Variants in ZNF17 observed in about 807,000 individuals in gnomAD.
The protein encoded by ZNF17 is zinc finger protein 17.
In ZNF17, 4 loss-of-function variants were observed where a neutral mutation model predicts 7.7. That is an observed-to-expected ratio of 0.52 (90% CI 0.26 to 1.20). ZNF17 has a LOEUF of 1.20. Among genes scored for constraint, ZNF17 ranks in the 50% most tolerant of loss-of-function variants. The pLI, the probability that ZNF17 is intolerant of heterozygous loss-of-function variation, is 0.14. For missense variants in ZNF17, 738 were observed against 799.5 expected (o/e 0.92, Z 0.93); for synonymous variants, 249 against 258.8 (o/e 0.96, Z 0.36).
In ZNF17 at chr19:57,420,355, A is replaced by G; in HGVS notation, c.869A>G (p.His290Arg). ...ECGKAFLRKS[H>R]LLQHQRIHTR... ...GGGAAAGCTTTTCTTAGAAAGTCTC[A>G]CCTACTTCAGCACCAGAGGATTCAC... is the stretch of plus-strand genomic sequence containing the variant. The change falls in exon 4 of 4, where the codon CAC (histidine) becomes CGC (arginine). Residue 290 changes from histidine to arginine, a missense_variant. His to Arg is a conservative substitution (Grantham distance 29). This residue lies in a region of ZNF17 where 616 missense variants were observed against 663.9 expected (regional missense o/e 0.93). Transcript: ENST00000307658. 6.2e-6 allele frequency: 10 copies of G among 1,613,596 alleles called. No individual in the cohort carries two copies. The highest frequency in any genetic ancestry group is 8.5e-6 in the Non-Finnish European group (10 of 1,179,902).
At chr19:57,419,387 T>C (rs2088832149) in intron 3 of ZNF17, 9 of 400,484 alleles carry the variant, frequency 2.2e-5, no homozygotes, top group Non-Finnish European at 4.5e-6. Context: ...AGGAGTAACT[T>C]GGGGACTCCA....
intron 2 of ZNF17, among the ~76,000 whole-genome samples, chr19:57,415,804 G>C (rs1273355493): frequency 1.3e-5 from 2 of 152,154 alleles, no homozygotes; most frequent in Admixed American, 6.5e-5. Context: ...TGATAGTGAG[G>C]TCTGGGAGGG....
intron 1 of ZNF17, 144 bp downstream of exon 1, chr19:57,411,550 C>A (rs1480141595): frequency 1.4e-6 from 2 of 1,436,816 alleles, no homozygotes; most frequent in African/African-American, 2.9e-5. Context: ...TGCTGTGAGG[C>A]GGGGGAGCTC....
rs2088792914 is a variant in ZNF17, at chr19:57,413,640, A to C, written c.21+4A>C. The C allele has an allele frequency of 6.5e-7, 1 of 1,535,974 alleles. No individual in the cohort carries two copies. The highest frequency in any genetic ancestry group is 1.4e-5 in the African/African-American group (1 of 73,032). ...AATGCTTATGGATGCTGGACAGGTG[A>C]GTGGAGAGTGTTTCCAGCTTTCACC... On this transcript the variant is annotated splice_donor_region_variant and intron_variant, in intron 2 of 3. Transcript: ENST00000307658.
intron 2 of ZNF17, among the ~76,000 whole-genome samples, chr19:57,415,898 AT>A (rs1306012829): frequency 6.6e-6 from 1 of 152,110 alleles, no homozygotes; most frequent in Non-Finnish European, 1.5e-5. Flanking sequence ...CTCTGAGACT[AT>A]TTTGGCAGAA....
chr19:57,413,470 C>A, intron 1 of ZNF17, 126 bp from the exon 2 acceptor site: 1 of 940,126 alleles, frequency 1.1e-6, no homozygotes, highest in Non-Finnish European at 1.6e-6. Context: ...AGACACTGAA[C>A]CCTGAGGACT....
At chr19:57,412,945 T>C (rs913550671) in intron 1 of ZNF17, among the ~76,000 whole-genome samples, 13 of 151,872 alleles carry the variant, frequency 8.6e-5, no homozygotes, top group Non-Finnish European at 1.9e-4. Flanking sequence ...TGGCGTGGTC[T>C]CGGCTCACTG....
Position 57,418,016 on chromosome 19 carries a change from C to T in ZNF17, c.126C>T (p.Asn42=), listed in dbSNP as rs1436349185. The T allele has an allele frequency of 1.2e-6, 2 of 1,613,908 alleles. No homozygotes were observed. Among genetic ancestry groups the T allele is most frequent in the Non-Finnish European group, 1.7e-6 (2 of 1,179,928 alleles). ...TGCACAGCGATGTGATGCTGGAGAA[C>T]TTTGCACTTTTGTCCTCAGTAGGTA... The part of the protein sequence containing the change: ...RHLHSDVMLE[N]FALLSSVGCW... Residue 42 remains asparagine (N), a synonymous_variant, in exon 3 of 4, where the codon AAC becomes AAT. Transcript: ENST00000307658.
At chr19:57,414,309 C>G (rs2088797527) in intron 2 of ZNF17, among the ~76,000 whole-genome samples, 1 of 150,970 alleles carries the variant, frequency 6.6e-6, no homozygotes, top group Non-Finnish European at 1.5e-5. Context: ...GCTGGGATTA[C>G]AGGCTTGAGC....
At chr19:57,413,691 A>C in intron 2 of ZNF17, 55 bp downstream of exon 2, 1 of 1,525,414 alleles carries the variant, frequency 6.6e-7, no homozygotes, top group Non-Finnish European at 8.8e-7. Context: ...CAGCATGCTG[A>C]TATAGGGAAT....
At position 57,411,994 on chromosome 19, in the gene ZNF17, G is replaced by A. The variant is rs529308325; in HGVS notation, c.-21+588G>A. On this transcript the variant is annotated intron_variant, in intron 1 of 3. Coordinates refer to ENST00000307658, the MANE Select transcript of ZNF17 (RefSeq NM_001330617.2). The stretch of plus-strand genomic sequence containing the variant: ...GAATGGAGTTGGAGAAGTCAGCTTA[G>A]GGAGCAGGTTTCAGAGAGGATTATG... 2.6e-5 allele frequency among the ~76,000 whole-genome samples: 4 copies of A among 152,310 alleles called. No individual in the cohort carries two copies. In the East Asian group the frequency reaches 7.7e-4, roughly 29 times the overall value.
At chr19:57,411,495 T>C (rs2088776198) in intron 1 of ZNF17, 89 bp downstream of exon 1, 1 of 1,542,000 alleles carries the variant, frequency 6.5e-7, no homozygotes, top group East Asian at 2.3e-5. Context: ...GGCCCCTGTG[T>C]CCCAAAGAGA....
chr19:57,414,480 A>G (rs1258563662), intron 2 of ZNF17, among the ~76,000 whole-genome samples: 1 of 151,746 alleles, frequency 6.6e-6, no homozygotes, highest in East Asian at 1.9e-4. Context: ...GATTACAGGC[A>G]TGAACCAACA....
At chr19:57,416,242 G>T (rs966156812) in intron 2 of ZNF17, among the ~76,000 whole-genome samples, 5 of 152,186 alleles carry the variant, frequency 3.3e-5, no homozygotes, top group African/African-American at 1.2e-4. Context: ...TTCATGTGCA[G>T]AGTGGCATGG....
At chr19:57,413,510 A>T in intron 1 of ZNF17, 86 bp from the exon 2 acceptor site, 3 of 1,434,448 alleles carry the variant, frequency 2.1e-6, no homozygotes, top group Non-Finnish European at 2.8e-6. Context: ...ACTTTGCTCT[A>T]GTTGCAGGGC....
chr19:57,414,256 A>G (rs921786266), intron 2 of ZNF17, among the ~76,000 whole-genome samples: 4 of 151,056 alleles, frequency 2.6e-5, no homozygotes, highest in South Asian at 4.2e-4. Context: ...GATGTTCTCA[A>G]TCTCTTGACC....
Position 57,420,645 on chromosome 19 carries a change from C to T in ZNF17, c.1159C>T (p.Pro387Ser). ...IHQRVHTGEK[P>S]YECNECGKFF... ...CCAGAGAGTTCATACTGGAGAAAAA[C>T]CTTATGAATGCAACGAATGTGGGAA... The change falls in exon 4 of 4, where the codon CCT becomes TCT. Residue 387 changes from proline (P) to serine (S), a missense_variant. Transcript: ENST00000307658. The T allele has an allele frequency of 6.2e-7, 1 of 1,613,236 alleles. No individual in the cohort carries two copies. Among genetic ancestry groups the T allele is most frequent in the Non-Finnish European group, 8.5e-7 (1 of 1,179,388 alleles).
At chr19:57,413,514 G>A (rs976488164) in intron 1 of ZNF17, 82 bp from the exon 2 acceptor site, 31 of 1,463,350 alleles carry the variant, frequency 2.1e-5, no homozygotes, top group Non-Finnish European at 2.7e-5. Context: ...TGCTCTAGTT[G>A]CAGGGCCAGA....
At chr19:57,412,448 AT>A (rs34661992) in intron 1 of ZNF17, among the ~76,000 whole-genome samples, 62,273 of 147,282 alleles carry the variant, frequency 0.42, 14,925 homozygotes, top group East Asian at 0.61. Context: ...TGTGTAAAAC[AT>A]TTTTTTTTTT....
Sources: allele counts gnomAD v4.1 joint callset (sites outside exome capture counted in the v4.1 genomes callset), GRCh38; gene constraint gnomAD v4.1.1; regional missense constraint gnomAD v4.1.1; transcripts MANE v1.5; gene names NCBI Gene and HGNC (gene_info 2026-07-23, HGNC 2026-07-21).